PKN2: variants seen among roughly 807,000 people sequenced by gnomAD.
The protein encoded by PKN2 is protein kinase N2.
PKN2 carries 38 observed loss-of-function variants against 119.1 expected under a neutral mutation model. That is an observed-to-expected ratio of 0.32 (90% CI 0.25 to 0.42). PKN2 has a LOEUF of 0.42. Among genes scored for constraint, PKN2 ranks in the 10% least tolerant of loss-of-function variants. PKN2 has a pLI of 1.00. For synonymous variants in PKN2, 390 were observed against 384.9 expected (o/e 1.01, Z -0.15); for missense variants, 850 against 1,165.1 (o/e 0.73, Z 3.94).
At chr1:88,767,584 T>C (rs1286824854) in intron 3 of PKN2, among the ~76,000 whole-genome samples, 1 of 152,186 alleles carries the variant, frequency 6.6e-6, no homozygotes, top group Non-Finnish European at 1.5e-5. Context: ...TACTGAATAC[T>C]GTAGGCAATT....
At position 88,765,282 on chromosome 1, in the gene PKN2, C is replaced by CAAA. The variant is rs60307008; in HGVS notation, c.504+4919_504+4921dup. On this transcript the variant is annotated intron_variant, in intron 3 of 21. Coordinates refer to ENST00000370521, the MANE Select transcript of PKN2 (RefSeq NM_006256.4). ...CCCAGGAGTTTTTGAGACTTCATCT[C>CAAA]AAAAAAAAAAAAAAAGACATGTCTC... Among the ~76,000 whole-genome samples, 436 of 128,242 alleles carry CAAA rather than the reference C, an allele frequency of 3.4e-3. 5 individuals are homozygous for CAAA. The highest frequency in any genetic ancestry group is 0.011 in the East Asian group (46 of 4,296). 84.1% of individuals were successfully genotyped at this position (128,242 alleles called of 152,430 possible).
At chr1:88,756,839 T>G (rs1442339141) in intron 2 of PKN2, among the ~76,000 whole-genome samples, 1 of 152,194 alleles carries the variant, frequency 6.6e-6, no homozygotes, top group African/African-American at 2.4e-5. Flanking sequence ...CCACACCTGT[T>G]TCTAAGCTCT....
intron 1 of PKN2, among the ~76,000 whole-genome samples, chr1:88,705,116 A>T (rs965380770): frequency 2.0e-5 from 3 of 151,114 alleles, no homozygotes; most frequent in Non-Finnish European, 4.4e-5. Flanking sequence ...TCTGTAGCTT[A>T]TCTTTTCTTT....
intron 1 of PKN2, among the ~76,000 whole-genome samples, chr1:88,740,222 C>T (rs576964012): frequency 1.9e-4 from 29 of 152,140 alleles, no homozygotes; most frequent in African/African-American, 7.0e-4. Context: ...TACCAAAGAA[C>T]AACTGTATAA....
At chr1:88,784,960 G>C in intron 7 of PKN2, 136 bp downstream of exon 7, 1 of 478,124 alleles carries the variant, frequency 2.1e-6, no homozygotes, top group Non-Finnish European at 3.5e-6. Flanking sequence ...TAAAACCTGT[G>C]ATGTCAGGAA....
chr1:88,723,277 C>G (rs1287478267), intron 1 of PKN2, among the ~76,000 whole-genome samples: 3 of 151,778 alleles, frequency 2.0e-5, no homozygotes, highest in Non-Finnish European at 4.4e-5. Context: ...CCATGCCCAG[C>G]TAATTTTATA....
At chr1:88,689,127 G>A (rs6695723) in intron 1 of PKN2, among the ~76,000 whole-genome samples, 11,513 of 152,094 alleles carry the variant, frequency 0.076, 912 homozygotes, top group African/African-American at 0.21. Context: ...GGGGGTTGGT[G>A]GTATGAGAAG....
In PKN2 at chr1:88,711,301, G is replaced by A. The variant is rs567568609; in HGVS notation, c.48+26673G>A. Among the ~76,000 whole-genome samples, 450 of 150,140 alleles carry A rather than the reference G, an allele frequency of 3.0e-3. 4 individuals carry two copies. The highest frequency in any genetic ancestry group is 0.011 in the African/African-American group (428 of 40,334). On this transcript the variant is annotated intron_variant, in intron 1 of 21. Transcript: ENST00000370521. Reference sequence around the variant, plus strand: ...TACCCTTGAATTTAAAATTAAAAGAGAGAAGTGGAAAAAAAAAAGAACTTA... The same window carrying A: ...TACCCTTGAATTTAAAATTAAAAGAAAGAAGTGGAAAAAAAAAAGAACTTA...
intron 1 of PKN2, among the ~76,000 whole-genome samples, chr1:88,691,162 C>G (rs1236398383): frequency 1.3e-5 from 2 of 152,066 alleles, no homozygotes; most frequent in African/African-American, 4.8e-5. Flanking sequence ...CTCCTGGGCT[C>G]AAGTGATTCG....
chr1:88,711,256 A>G (rs768089114), intron 1 of PKN2, among the ~76,000 whole-genome samples: 13 of 152,082 alleles, frequency 8.5e-5, no homozygotes, highest in Admixed American at 2.6e-4. Flanking sequence ...ATGTTTACCT[A>G]TGTAACAAAC....
intron 16 of PKN2, among the ~76,000 whole-genome samples, chr1:88,817,696 G>A (rs1187656185): frequency 7.1e-6 from 1 of 140,360 alleles, no homozygotes; most frequent in Admixed American, 7.3e-5. Context: ...GCGACAAAGC[G>A]AGACTCCGTC....
intron 8 of PKN2, among the ~76,000 whole-genome samples, chr1:88,796,816 A>G (rs1257969764): frequency 1.3e-5 from 2 of 152,248 alleles, no homozygotes; most frequent in East Asian, 1.9e-4. Flanking sequence ...GCAGGACCAT[A>G]TGTTACTTAT....
chr1:88,803,748 A>G (rs141805273), intron 8 of PKN2, among the ~76,000 whole-genome samples: 1 of 152,158 alleles, frequency 6.6e-6, no homozygotes, highest in East Asian at 1.9e-4. Flanking sequence ...TGCTTTTTAA[A>G]TTATGTTTTA....
chr1:88,830,646 T>C (rs1190263371), intron 19 of PKN2, among the ~76,000 whole-genome samples: 1 of 152,124 alleles, frequency 6.6e-6, no homozygotes, highest in Non-Finnish European at 1.5e-5. Flanking sequence ...ATCTACTCCC[T>C]CCTATTATAA....
In PKN2 at chr1:88,684,568, A is replaced by G. The variant is rs746167039; in HGVS notation, c.-13A>G. On this transcript the variant is annotated 5_prime_UTR_variant, in exon 1 of 22. Transcript: ENST00000370521. ...GCGGCCGCGTCCAGGTGCGGAGTCC[A>G]TACCGGAGCGCAATGGCGTCCAACC... 5.8e-6 allele frequency: 9 copies of G among 1,539,434 alleles called. No individual in the cohort carries two copies. The highest frequency in any genetic ancestry group is 1.7e-4 in the Middle Eastern group (1 of 5,794).
chr1:88,829,091 G>A (rs1215762495), intron 19 of PKN2: 10 of 694,990 alleles, frequency 1.4e-5, no homozygotes, highest in South Asian at 7.1e-5. Context: ...GTAGAATTTC[G>A]TAAGAACAAA....
intron 2 of PKN2, among the ~76,000 whole-genome samples, chr1:88,759,700 T>C (rs534522283): frequency 4.6e-5 from 7 of 152,324 alleles, no homozygotes; most frequent in Non-Finnish European, 8.8e-5. Flanking sequence ...TGTCAATTTT[T>C]ACTTTTGTTG....
chr1:88,783,422 A>G (rs1425540268), intron 6 of PKN2, among the ~76,000 whole-genome samples: 1 of 152,110 alleles, frequency 6.6e-6, no homozygotes, highest in Admixed American at 6.5e-5. Flanking sequence ...TTTGTTTCCC[A>G]TCTCTCAGGG....
At chr1:88,827,036 T>C (rs1035121959) in intron 18 of PKN2, among the ~76,000 whole-genome samples, 25 of 152,154 alleles carry the variant, frequency 1.6e-4, no homozygotes, top group Admixed American at 1.6e-3. Flanking sequence ...TCTTGGTTCA[T>C]AGACACACAT....
Sources: gnomAD v4.1 joint callset for allele counts (sites outside exome capture counted in the v4.1 genomes callset) on GRCh38, gnomAD v4.1.1 for gene constraint, MANE v1.5 for transcripts, NCBI Gene and HGNC (gene_info 2026-07-23, HGNC 2026-07-21) for gene names.